Variants in LHFPL3 observed in about 807,000 individuals in gnomAD.
LHFPL3 encodes the protein LHFPL tetraspan subfamily member 3 protein.
LHFPL3 carries 5 observed loss-of-function variants against 19.3 expected under a neutral mutation model. The observed-to-expected ratio is 0.26, with a 90% confidence interval of 0.14 to 0.54. The LOEUF (loss-of-function observed/expected upper bound fraction) is 0.54, where lower values mean the gene tolerates loss of function less well. LHFPL3 is among the 20% of genes least tolerant of loss of function. The pLI, the probability that LHFPL3 is intolerant of heterozygous loss-of-function variation, is 0.94. For missense variants in LHFPL3, 249 were observed against 307.4 expected, an observed-to-expected ratio of 0.81 and a Z score of 1.42; for synonymous variants, 133 against 126.2, an observed-to-expected ratio of 1.05 and a Z score of -0.36.
intron 1 of LHFPL3, among the ~76,000 whole-genome samples, chr7:104,478,047 T>G (rs1557633): frequency 0.25 from 37,878 of 152,104 alleles, 5,338 homozygotes; most frequent in African/African-American, 0.38. Flanking sequence ...CAATAAGCAT[T>G]AAAATGTTAA....
At chr7:104,470,880 C>T (rs1339416531) in intron 1 of LHFPL3, among the ~76,000 whole-genome samples, 1 of 152,122 alleles carries the variant, frequency 6.6e-6, no homozygotes, top group Non-Finnish European at 1.5e-5. Context: ...TTTCTGGGGG[C>T]ATGGGGTCCT....
chr7:104,430,384 A>ATTTTTTTTTTTTTTTTTGAGG (rs1491565896), intron 1 of LHFPL3, among the ~76,000 whole-genome samples: 1 of 36,066 alleles, frequency 2.8e-5, no homozygotes, highest in African/African-American at 2.0e-4. Flanking sequence ...ATATATATAC[A>ATTTTTTTTTTTTTTTTTGAGG]TATATATATA....
At chr7:104,699,653 T>G (rs1793063947) in intron 1 of LHFPL3, among the ~76,000 whole-genome samples, 1 of 152,190 alleles carries the variant, frequency 6.6e-6, no homozygotes, top group Non-Finnish European at 1.5e-5. Flanking sequence ...TGAATGTACT[T>G]AATGCCACAG....
chr7:104,651,427 G>A (rs757101954), intron 1 of LHFPL3, among the ~76,000 whole-genome samples: 22 of 152,308 alleles, frequency 1.4e-4, no homozygotes, highest in Middle Eastern at 3.4e-3. Context: ...ATGTTTGTGC[G>A]CAGCCCTGGA....
At chr7:104,533,797 C>A (rs1794346053) in intron 1 of LHFPL3, among the ~76,000 whole-genome samples, 1 of 152,286 alleles carries the variant, frequency 6.6e-6, no homozygotes, top group Middle Eastern at 3.4e-3. Context: ...TTTGGTCTCC[C>A]TTTTTGCTTC....
intron 2 of LHFPL3, among the ~76,000 whole-genome samples, chr7:104,810,712 T>G (rs1448193367): frequency 6.6e-6 from 1 of 152,152 alleles, no homozygotes; most frequent in Non-Finnish European, 1.5e-5. Flanking sequence ...TAGCTTGTAT[T>G]TGGCAGACCA....
At chr7:104,833,043 AT>A (rs1562808087) in intron 2 of LHFPL3, among the ~76,000 whole-genome samples, 84 of 1,252 alleles carry the variant, frequency 0.067, 12 homozygotes, top group African/African-American at 0.14. Context: ...ATATATATAT[AT>A]TATATATATA....
intron 1 of LHFPL3, among the ~76,000 whole-genome samples, chr7:104,472,010 T>C (rs901016746): frequency 6.6e-6 from 1 of 151,930 alleles, no homozygotes; most frequent in Non-Finnish European, 1.5e-5. Context: ...AGAACCTGTG[T>C]CTAGAAAAAG....
At chr7:104,816,831 C>T (rs529597542) in intron 2 of LHFPL3, among the ~76,000 whole-genome samples, 2 of 152,322 alleles carry the variant, frequency 1.3e-5, no homozygotes, top group Admixed American at 6.5e-5. Context: ...CTCCTAGCCT[C>T]GGGCTGCTTT....
intron 1 of LHFPL3, among the ~76,000 whole-genome samples, chr7:104,726,977 C>G (rs1442845043): frequency 6.6e-6 from 1 of 152,204 alleles, no homozygotes; most frequent in Non-Finnish European, 1.5e-5. Flanking sequence ...TATTTCTCCA[C>G]AGCCTCGCCA....
chr7:104,417,857 ATTCTTCTTCTTCTTC>A (rs1205200413), intron 1 of LHFPL3, among the ~76,000 whole-genome samples: 1 of 125,656 alleles, frequency 8.0e-6, no homozygotes, highest in African/African-American at 3.1e-5. Context: ...TTCTTTTCTA[ATTCTTCTTCTTCTTC>A]TTCTTCTTCT....
intron 2 of LHFPL3, among the ~76,000 whole-genome samples, chr7:104,838,837 A>C (rs1791145635): frequency 6.6e-6 from 1 of 152,252 alleles, no homozygotes; most frequent in Non-Finnish European, 1.5e-5. Context: ...GCAAGTACAG[A>C]GAAACATTGC....
intron 2 of LHFPL3, among the ~76,000 whole-genome samples, chr7:104,904,792 T>C (rs1245359497): frequency 6.6e-6 from 1 of 152,168 alleles, no homozygotes; most frequent in Non-Finnish European, 1.5e-5. Context: ...ATATATAAGA[T>C]ACCCTTAACC....
intron 1 of LHFPL3, among the ~76,000 whole-genome samples, chr7:104,484,136 C>T (rs1320504435): frequency 6.6e-6 from 1 of 151,994 alleles, no homozygotes; most frequent in African/African-American, 2.4e-5. Context: ...TTCTTATTTC[C>T]TTTCTTCATT....
intron 1 of LHFPL3, among the ~76,000 whole-genome samples, chr7:104,600,560 G>T (rs1790943502): frequency 6.6e-6 from 1 of 152,134 alleles, no homozygotes; most frequent in South Asian, 2.1e-4. Context: ...TTTACAAAAT[G>T]TTTTTCCAAA....
intron 1 of LHFPL3, among the ~76,000 whole-genome samples, chr7:104,514,483 G>A (rs1024817932): frequency 1.3e-5 from 2 of 152,130 alleles, no homozygotes; most frequent in Non-Finnish European, 2.9e-5. Flanking sequence ...CATATTGTAG[G>A]TGCTCAATAA....
At chr7:104,359,669 C>T (rs1190518934) in intron 1 of LHFPL3, among the ~76,000 whole-genome samples, 3 of 152,250 alleles carry the variant, frequency 2.0e-5, no homozygotes, top group East Asian at 1.9e-4. Flanking sequence ...CACAGTCTAG[C>T]GGGGAGGAAA....
At chr7:104,535,927 A>G (rs540353341) in intron 1 of LHFPL3, among the ~76,000 whole-genome samples, 5 of 152,214 alleles carry the variant, frequency 3.3e-5, no homozygotes, top group African/African-American at 9.6e-5. Flanking sequence ...ACATACCTCA[A>G]CGACCTTTGG....
intron 1 of LHFPL3, among the ~76,000 whole-genome samples, chr7:104,506,930 T>C (rs1207758505): frequency 1.3e-5 from 2 of 152,184 alleles, no homozygotes; most frequent in African/African-American, 4.8e-5. Context: ...GGAAGTAATA[T>C]AAGTAGCTGA....
Sources: gnomAD v4.1 joint callset for allele counts (sites outside exome capture counted in the v4.1 genomes callset) on GRCh38, gnomAD v4.1.1 for gene constraint, MANE v1.5 for transcripts, NCBI Gene and HGNC (gene_info 2026-07-23, HGNC 2026-07-21) for gene names.